The following GLI3 variants were observed in gnomAD, a reference collection of about 807,000 sequenced individuals.
GLI3 encodes the protein GLI family zinc finger 3.
Under a neutral mutation model 100.8 loss-of-function variants are expected in GLI3, and 20 were observed. The observed-to-expected ratio is 0.20, with a 90% CI of 0.14 to 0.29. The LOEUF is 0.29. Among genes scored for constraint, GLI3 ranks in the 10% least tolerant of loss-of-function variants. GLI3 has a pLI of 1.00. For missense variants in GLI3, 2,040 were observed against 2,128.5 expected, an observed-to-expected ratio of 0.96 and a Z score of 0.82; for synonymous variants, 938 against 860.5, an observed-to-expected ratio of 1.09 and a Z score of -1.58.
At chr7:42,244,684 G>T (rs1351019786) in intron 1 of GLI3, among the ~76,000 whole-genome samples, 1 of 151,670 alleles carries the variant, frequency 6.6e-6, no homozygotes, top group Non-Finnish European at 1.5e-5. Flanking sequence ...ACATCAGAAA[G>T]TCAGAATAAA....
At chr7:42,067,645 G>T (rs1176353931) in intron 4 of GLI3, among the ~76,000 whole-genome samples, 1 of 152,154 alleles carries the variant, frequency 6.6e-6, no homozygotes, top group Non-Finnish European at 1.5e-5. Flanking sequence ...ACTGTGCCCA[G>T]TTAACCTAAC....
At chr7:42,168,396 A>T (rs928530824) in intron 2 of GLI3, among the ~76,000 whole-genome samples, 3 of 152,240 alleles carry the variant, frequency 2.0e-5, no homozygotes, top group African/African-American at 7.2e-5. Flanking sequence ...ACCAAAAAAC[A>T]TGTAGCAGAA....
At chr7:42,179,965 G>A (rs1018232311) in intron 2 of GLI3, among the ~76,000 whole-genome samples, 1 of 152,210 alleles carries the variant, frequency 6.6e-6, no homozygotes, top group Non-Finnish European at 1.5e-5. Flanking sequence ...GGATGGGAGA[G>A]AGCAGGGCTG....
intron 3 of GLI3, among the ~76,000 whole-genome samples, chr7:42,143,094 G>A (rs1332705950): frequency 1.3e-5 from 2 of 152,144 alleles, no homozygotes; most frequent in Non-Finnish European, 2.9e-5. Context: ...ACAAATAATA[G>A]TTTTGCAAAG....
At chr7:42,066,185 G>C (rs536842950) in intron 4 of GLI3, among the ~76,000 whole-genome samples, 5 of 152,188 alleles carry the variant, frequency 3.3e-5, no homozygotes, top group African/African-American at 1.2e-4. Context: ...AGGGCCAATA[G>C]GCTTTTCTAA....
chr7:42,191,863 T>C (rs1193612020), intron 2 of GLI3, among the ~76,000 whole-genome samples: 1 of 152,030 alleles, frequency 6.6e-6, no homozygotes, highest in Non-Finnish European at 1.5e-5. Context: ...ACAGAACCAG[T>C]AGTAGGTTCT....
intron 4 of GLI3, among the ~76,000 whole-genome samples, chr7:42,060,373 A>G (rs1424591508): frequency 1.3e-5 from 2 of 152,148 alleles, no homozygotes; most frequent in Non-Finnish European, 2.9e-5. Flanking sequence ...AGGCGCACCC[A>G]TCTCATGTTT....
chr7:42,188,509 C>T (rs1787764280), intron 2 of GLI3, among the ~76,000 whole-genome samples: 1 of 152,148 alleles, frequency 6.6e-6, no homozygotes, highest in African/African-American at 2.4e-5. Context: ...ATAACCACCA[C>T]CTGCTTTTAT....
In GLI3 at chr7:42,026,193, T is replaced by C. The variant is rs771759913; in HGVS notation, c.1242+6A>G. Reference sequence around the variant, plus strand: ...ACGGCCGGGTGCATCGACCTGTCCCTCTCACCTGTGAGGACTCAGAAGGGC... The same window carrying C: ...ACGGCCGGGTGCATCGACCTGTCCCCCTCACCTGTGAGGACTCAGAAGGGC... On this transcript the variant is annotated splice_donor_region_variant and intron_variant, in intron 8 of 14. Transcript: ENST00000395925. The C allele has an allele frequency of 1.4e-5, 23 of 1,606,942 alleles. No homozygotes were observed. Among genetic ancestry groups the C allele is most frequent in the Non-Finnish European group, 1.9e-5 (22 of 1,175,386 alleles).
intron 9 of GLI3, among the ~76,000 whole-genome samples, chr7:42,024,925 AC>A (rs1360522737): frequency 1.3e-5 from 2 of 152,202 alleles, no homozygotes; most frequent in African/African-American, 4.8e-5. Context: ...ACAGATGAGG[AC>A]TGAGGCCTGG....
intron 10 of GLI3, among the ~76,000 whole-genome samples, chr7:41,992,875 G>T (rs1412990185): frequency 8.5e-5 from 13 of 152,134 alleles, no homozygotes; most frequent in Admixed American, 5.9e-4. Context: ...GCAATATGTT[G>T]GAGTGTGGGC....
chr7:42,063,732 C>T lies in GLI3; in HGVS notation c.473+13020G>A, dbSNP rs527736639. ...TCAAATACCTATGCTGTGACAGACA[C>T]TGTGTTAAGTGCTATATATATGCTC... On this transcript the variant is annotated intron_variant, in intron 4 of 14. Coordinates refer to ENST00000395925, the MANE Select transcript of GLI3 (RefSeq NM_000168.6). 4.9e-4 allele frequency among the ~76,000 whole-genome samples: 75 copies of T among 152,284 alleles called. No homozygotes were observed. The South Asian group carries it at 0.014, about 28-fold the overall frequency.
intron 1 of GLI3, among the ~76,000 whole-genome samples, chr7:42,225,626 G>A (rs1788567204): frequency 6.6e-6 from 1 of 152,206 alleles, no homozygotes; most frequent in African/African-American, 2.4e-5. Context: ...CTCCCAAAGT[G>A]CTGGGAGTAC....
At chr7:42,182,472 C>T (rs1048533003) in intron 2 of GLI3, among the ~76,000 whole-genome samples, 2 of 150,836 alleles carry the variant, frequency 1.3e-5, no homozygotes, top group Admixed American at 1.3e-4. Context: ...CCTGTAAACG[C>T]ATGCTCTTTA....
At chr7:42,217,563 C>T (rs1360384948) in intron 2 of GLI3, among the ~76,000 whole-genome samples, 1 of 152,236 alleles carries the variant, frequency 6.6e-6, no homozygotes, top group African/African-American at 2.4e-5. Context: ...CAGTACAACA[C>T]TAGCTTTCAA....
At chr7:42,195,122 C>A (rs1423313849) in intron 2 of GLI3, among the ~76,000 whole-genome samples, 2 of 152,122 alleles carry the variant, frequency 1.3e-5, no homozygotes, top group African/African-American at 4.8e-5. Flanking sequence ...TAAGCCATCA[C>A]CAGTCTGCAC....
In GLI3 at chr7:41,988,846, C is replaced by T. The variant is rs866503068; in HGVS notation, c.1498-10098G>A. 9.8e-5 allele frequency among the ~76,000 whole-genome samples: 15 copies of T among 152,290 alleles called. No homozygotes were observed. The South Asian group carries it at 1.7e-3, about 17-fold the overall frequency. ...TGAGTTCTAAGTTATTTTACTAAAACGAAAATGTAACTGTTGTCTCTTAAG... is the reference window on the plus strand; with the variant it reads ...TGAGTTCTAAGTTATTTTACTAAAATGAAAATGTAACTGTTGTCTCTTAAG... On this transcript the variant is annotated intron_variant, in intron 10 of 14. Coordinates refer to ENST00000395925, the MANE Select transcript of GLI3 (RefSeq NM_000168.6).
chr7:42,077,350 A>G (rs1390255731), intron 3 of GLI3, among the ~76,000 whole-genome samples: 1 of 151,016 alleles, frequency 6.6e-6, no homozygotes, highest in Non-Finnish European at 1.5e-5. Flanking sequence ...TGGCTGATAT[A>G]CACATGCATG....
chr7:42,071,311 T>C (rs974059731), intron 4 of GLI3, among the ~76,000 whole-genome samples: 18 of 152,116 alleles, frequency 1.2e-4, no homozygotes, highest in South Asian at 6.2e-4. Flanking sequence ...TTAATAATGT[T>C]ATGGTAAAGC....
Sources: allele counts gnomAD v4.1 joint callset (sites outside exome capture counted in the v4.1 genomes callset), GRCh38; gene constraint gnomAD v4.1.1; transcripts MANE v1.5; gene names NCBI Gene and HGNC (gene_info 2026-07-23, HGNC 2026-07-21).